Variants in CLASP1 observed in about 807,000 individuals in gnomAD.
The protein encoded by CLASP1 is CLIP-associating protein 1.
A neutral mutation model predicts 192.3 loss-of-function variants in CLASP1; 38 were observed. The ratio of observed to expected loss-of-function variants is 0.20; its 90% CI spans 0.15 to 0.26. The LOEUF (loss-of-function observed/expected upper bound fraction) is 0.26, where lower values mean the gene tolerates loss of function less well. CLASP1 is among the 10% of genes least tolerant of loss of function. The pLI is 1.00. For synonymous variants in CLASP1, 691 were observed against 712.8 expected (o/e 0.97, Z 0.49); for missense variants, 1,433 against 1,932.5 (o/e 0.74, Z 4.85).
Position 121,616,920 on chromosome 2 carries a change from G to A in CLASP1, c.-285-10740C>T, listed in dbSNP as rs1294774080. Among the ~76,000 whole-genome samples the A allele has an allele frequency of 2.6e-5, 4 of 152,348 alleles. 1 individual carries two copies. The highest frequency in any genetic ancestry group is 2.6e-4 in the Admixed American group (4 of 15,302). On this transcript the variant is annotated intron_variant, in intron 1 of 39. Coordinates refer to ENST00000263710, the Ensembl canonical transcript of CLASP1. Reference sequence around the variant, plus strand: ...AAGGCCTTCAAGAAGGTCACTGCCTGAAAGAAGAAAGAGACAAACACAGTC... The same window carrying A: ...AAGGCCTTCAAGAAGGTCACTGCCTAAAAGAAGAAAGAGACAAACACAGTC...
chr2:121,591,052 G>C (rs2062342141), intron 2 of CLASP1, among the ~76,000 whole-genome samples: 1 of 152,048 alleles, frequency 6.6e-6, no homozygotes, highest in East Asian at 1.9e-4. Flanking sequence ...ATTTTTAGTG[G>C]AGACGGGGTT....
intron 30 of CLASP1, among the ~76,000 whole-genome samples, chr2:121,388,886 T>C (rs1167372170): frequency 6.6e-6 from 1 of 152,198 alleles, no homozygotes; most frequent in Admixed American, 6.5e-5. Flanking sequence ...ACTGTAGTTT[T>C]TAAGATTGCA....
intron 14 of CLASP1, 53 bp from the exon 15 acceptor site, chr2:121,451,902 G>C: frequency 7.7e-7 from 1 of 1,302,750 alleles, no homozygotes; most frequent in Non-Finnish European, 1.1e-6. Context: ...TAGTGAAAAT[G>C]AAAACGGCAT....
exon 35 of CLASP1, chr2:121,367,824 C>A (rs76724451): frequency 3.1e-6 from 5 of 1,613,146 alleles, no homozygotes; most frequent in Non-Finnish European, 4.2e-6. Context: ...GCCCCCATCG[C>A]GGGACACCTG....
chr2:121,480,943 T>TG (rs1468930321), intron 8 of CLASP1, among the ~76,000 whole-genome samples: 2 of 152,212 alleles, frequency 1.3e-5, no homozygotes, highest in East Asian at 3.8e-4. Flanking sequence ...TCAGGGGCAG[T>TG]GAGAACCGAC....
At chr2:121,647,833 G>A (rs1199035461) in intron 1 of CLASP1, among the ~76,000 whole-genome samples, 5 of 152,136 alleles carry the variant, frequency 3.3e-5, no homozygotes, top group Non-Finnish European at 5.9e-5. Flanking sequence ...TCCTGACTTT[G>A]GTTAACCTTA....
intron 13 of CLASP1, 133 bp downstream of exon 13, chr2:121,458,707 C>T (rs1046317859): frequency 2.4e-5 from 16 of 660,888 alleles, no homozygotes; most frequent in Non-Finnish European, 3.7e-5. Context: ...GATATATATA[C>T]AAAATTCCAA....
rs193286129 is a variant in CLASP1, at chr2:121,557,150, T to C, written c.196-26825A>G. Among the ~76,000 whole-genome samples the C allele has an allele frequency of 2.1e-3, 316 of 152,370 alleles. 1 individual carries two copies. The highest frequency in any genetic ancestry group is 7.1e-3 in the African/African-American group (297 of 41,594). On this transcript the variant is annotated intron_variant, in intron 2 of 39. Transcript: ENST00000263710. ...CTGTTGCTGGGCCCTGCCCTAGGTT[T>C]CTACTGCTGCCTTTCTCAAGAGCAC...
chr2:121,612,709 C>A (rs572836504), intron 1 of CLASP1, among the ~76,000 whole-genome samples: 1,782 of 152,246 alleles, frequency 0.012, 38 homozygotes, highest in African/African-American at 0.04. Context: ...CCAGTGGTCA[C>A]CTATGCCTGA....
intron 1 of CLASP1, among the ~76,000 whole-genome samples, chr2:121,611,786 AAG>A (rs2065580768): frequency 6.7e-6 from 1 of 149,152 alleles, no homozygotes; most frequent in South Asian, 2.1e-4. Context: ...TTACAGGAGA[AAG>A]AGGAACTGGA....
intron 33 of CLASP1, among the ~76,000 whole-genome samples, chr2:121,380,992 TG>T: frequency 6.6e-6 from 1 of 152,218 alleles, no homozygotes. Context: ...GTCAACCAAC[TG>T]ATCTTACACT....
At chr2:121,598,079 T>C (rs2063350113) in intron 2 of CLASP1, among the ~76,000 whole-genome samples, 2 of 152,236 alleles carry the variant, frequency 1.3e-5, no homozygotes, top group African/African-American at 4.8e-5. Context: ...ACAGCCATAT[T>C]CAAAATTTGG....
chr2:121,376,981 T>C (rs555331519), intron 34 of CLASP1, among the ~76,000 whole-genome samples: 5 of 152,310 alleles, frequency 3.3e-5, no homozygotes, highest in African/African-American at 1.2e-4. Flanking sequence ...TGTATAATTA[T>C]TTCATTATAT....
chr2:121,355,338 A>C (rs963985250), intron 37 of CLASP1, among the ~76,000 whole-genome samples: 2 of 152,130 alleles, frequency 1.3e-5, no homozygotes, highest in African/African-American at 4.8e-5. Context: ...CAAGTTGGCC[A>C]GGCTGGTCTC....
At chr2:121,481,254 G>A (rs980615883) in intron 8 of CLASP1, among the ~76,000 whole-genome samples, 3 of 152,068 alleles carry the variant, frequency 2.0e-5, no homozygotes, top group Non-Finnish European at 4.4e-5. Context: ...ATAGAAGTGA[G>A]GAATTAGGAA....
At position 121,593,985 on chromosome 2, in the gene CLASP1, G is replaced by A. The variant is rs1188888760; in HGVS notation, c.195+11716C>T. ...ATCGCGCCACTGCACTCCAGCCTCA[G>A]TAACAAGAGCAAAACTCCGTCTCAA... On this transcript the variant is annotated intron_variant, in intron 2 of 39. Transcript: ENST00000263710. Among the ~76,000 whole-genome samples the A allele has an allele frequency of 2.0e-5, 3 of 147,688 alleles. No individual in the cohort carries two copies. In the East Asian group the frequency reaches 6.1e-4, roughly 30 times the overall value.
chr2:121,647,985 T>G (rs1559870852), intron 1 of CLASP1, among the ~76,000 whole-genome samples: 1 of 152,244 alleles, frequency 6.6e-6, no homozygotes, highest in Non-Finnish European at 1.5e-5. Flanking sequence ...TAAAAAGGTG[T>G]ATTACACAAT....
chr2:121,493,292 C>CA (rs1376393380), intron 8 of CLASP1, among the ~76,000 whole-genome samples: 1 of 152,020 alleles, frequency 6.6e-6, no homozygotes, highest in Non-Finnish European at 1.5e-5. Context: ...GGAAAAAAAA[C>CA]AGACACACAG....
intron 16 of CLASP1, among the ~76,000 whole-genome samples, chr2:121,450,255 T>C (rs551741460): frequency 1.3e-5 from 2 of 151,220 alleles, no homozygotes; most frequent in South Asian, 2.1e-4. Flanking sequence ...GACGAGAACC[T>C]GGGAGGTGGA....
Sources: allele counts gnomAD v4.1 joint callset (sites outside exome capture counted in the v4.1 genomes callset), GRCh38; gene constraint gnomAD v4.1.1; transcripts MANE v1.5; gene names NCBI Gene and HGNC (gene_info 2026-07-23, HGNC 2026-07-21).